Variants in ERC2 observed in about 807,000 individuals in gnomAD.
The protein encoded by ERC2 is ELKS/RAB6-interacting/CAST family member 2, also known as ERC protein 2.
ERC2 carries 42 observed loss-of-function variants against 114.8 expected under a neutral mutation model. That is an observed-to-expected ratio of 0.37 (90% CI 0.29 to 0.47). The LOEUF (loss-of-function observed/expected upper bound fraction) is 0.47. Among genes scored for constraint, ERC2 ranks in the 20% least tolerant of loss-of-function variants. The pLI, the probability that ERC2 is intolerant of heterozygous loss-of-function variation, is 0.99. For missense variants in ERC2, 939 were observed against 1,150.7 expected (o/e 0.82, Z 2.66); for synonymous variants, 454 against 425.5 (o/e 1.07, Z -0.82).
At chr3:55,846,839 G>T (rs991038624) in intron 14 of ERC2, among the ~76,000 whole-genome samples, 48 of 152,176 alleles carry the variant, frequency 3.2e-4, no homozygotes, top group African/African-American at 1.1e-3. Flanking sequence ...ATATTTGCCT[G>T]CCCTGCCACT....
At chr3:56,097,392 T>G (rs550531490) in intron 6 of ERC2, among the ~76,000 whole-genome samples, 2 of 152,304 alleles carry the variant, frequency 1.3e-5, no homozygotes, top group East Asian at 3.9e-4. Flanking sequence ...CCTTTGCTAG[T>G]ATACATCATG....
intron 3 of ERC2, among the ~76,000 whole-genome samples, chr3:56,260,861 A>C (rs1025701914): frequency 1.3e-5 from 2 of 152,210 alleles, no homozygotes; most frequent in Non-Finnish European, 2.9e-5. Flanking sequence ...CATGACCCAC[A>C]ACCCTTTAGT....
chr3:56,088,944 A>G (rs2077644605), intron 6 of ERC2, among the ~76,000 whole-genome samples: 1 of 152,206 alleles, frequency 6.6e-6, no homozygotes, highest in South Asian at 2.1e-4. Context: ...CAGGAATGCA[A>G]TAAAGGTTGC....
intron 17 of ERC2, among the ~76,000 whole-genome samples, chr3:55,541,534 C>G (rs906370843): frequency 1.3e-5 from 2 of 152,186 alleles, no homozygotes; most frequent in South Asian, 4.1e-4. Context: ...TGGTCATTCC[C>G]ATTCTTGGCT....
chr3:56,170,956 G>A (rs979738750), intron 4 of ERC2, among the ~76,000 whole-genome samples: 1 of 151,724 alleles, frequency 6.6e-6, no homozygotes, highest in South Asian at 2.1e-4. Context: ...TAGTAGAGAC[G>A]GGGTTTCACC....
At chr3:55,992,890 A>T (rs2071189474) in intron 10 of ERC2, among the ~76,000 whole-genome samples, 1 of 152,192 alleles carries the variant, frequency 6.6e-6, no homozygotes, top group Non-Finnish European at 1.5e-5. Flanking sequence ...CAGGAGGAGG[A>T]TGAGCTAATT....
At chr3:55,960,460 C>T (rs1194372679) in intron 12 of ERC2, among the ~76,000 whole-genome samples, 2 of 152,328 alleles carry the variant, frequency 1.3e-5, no homozygotes, top group East Asian at 1.9e-4. Context: ...TGAAGTAATG[C>T]CTCCTCAGAA....
intron 2 of ERC2, among the ~76,000 whole-genome samples, chr3:56,355,368 G>A (rs1178545766): frequency 6.7e-6 from 1 of 149,778 alleles, no homozygotes; most frequent in African/African-American, 2.5e-5. Flanking sequence ...ACCCAGGCTG[G>A]AGTGCAGTGA....
intron 14 of ERC2, among the ~76,000 whole-genome samples, chr3:55,778,059 T>G (rs1559639497): frequency 6.6e-6 from 1 of 152,160 alleles, no homozygotes; most frequent in South Asian, 2.1e-4. Flanking sequence ...ATGAAGTAAA[T>G]CCAAATGCTC....
intron 15 of ERC2, among the ~76,000 whole-genome samples, chr3:55,732,261 A>G (rs1430092857): frequency 6.6e-6 from 1 of 152,186 alleles, no homozygotes; most frequent in East Asian, 1.9e-4. Flanking sequence ...TAGCACATTA[A>G]TCATTGTTCT....
rs2072563154 is a variant in ERC2, at chr3:56,007,208, A to G, written c.2034T>C (p.Cys678=). ...TTTTTAACTGTGCTTCCAATTTGCTACATTCCTCTTTCTTTTGTTCAATGG... is the reference window on the plus strand; with the variant it reads ...TTTTTAACTGTGCTTCCAATTTGCTGCATTCCTCTTTCTTTTGTTCAATGG... ...EIAIEQKKEE[C]SKLEAQLKKA... is the part of the protein sequence containing the mutation. Residue 678 remains cysteine (C), a synonymous_variant, in exon 10 of 18, where the codon TGT becomes TGC. Coordinates refer to ENST00000288221, the MANE Select transcript of ERC2 (RefSeq NM_015576.3). 6.4e-7 allele frequency: 1 copy of G among 1,574,446 alleles called. No homozygotes were observed. Among genetic ancestry groups the G allele is most frequent in the Admixed American group, 1.9e-5 (1 of 53,430 alleles).
chr3:56,452,070 A>G (rs2062849127), intron 1 of ERC2, among the ~76,000 whole-genome samples: 1 of 152,212 alleles, frequency 6.6e-6, no homozygotes, highest in Non-Finnish European at 1.5e-5. Flanking sequence ...GAATCTGCAA[A>G]TCTCATGAGA....
intron 15 of ERC2, among the ~76,000 whole-genome samples, chr3:55,710,397 G>T (rs1488535210): frequency 6.6e-6 from 1 of 152,154 alleles, no homozygotes; most frequent in Non-Finnish European, 1.5e-5. Flanking sequence ...GTGAATCTGT[G>T]TGTGAATCTG....
At chr3:55,864,227 ATATG>A (rs2062190103) in intron 14 of ERC2, among the ~76,000 whole-genome samples, 2 of 144,598 alleles carry the variant, frequency 1.4e-5, no homozygotes, top group Non-Finnish European at 3.0e-5. Context: ...ATACACATAT[ATATG>A]TGTGTGTGTG....
intron 17 of ERC2, among the ~76,000 whole-genome samples, chr3:55,552,715 G>T (rs1267561881): frequency 6.6e-6 from 1 of 151,478 alleles, no homozygotes; most frequent in Non-Finnish European, 1.5e-5. Flanking sequence ...TTTCACATTA[G>T]CATTCATATA....
rs148863153 is a variant in ERC2, at chr3:56,416,808, T to C, written c.657+17543A>G. Among the ~76,000 whole-genome samples, 558 of 152,228 alleles carry C rather than the reference T, an allele frequency of 3.7e-3. 3 individuals are homozygous for C. Among genetic ancestry groups the C allele is most frequent in the South Asian group, 7.0e-3 (34 of 4,826 alleles). ...GGCAGGAAGTTTTTTTCTATTACTC[T>C]AACCTCTGCACCTAGCTCAGCACAT... On this transcript the variant is annotated intron_variant, in intron 2 of 17. Transcript: ENST00000288221.
At chr3:56,272,615 T>C (rs2150298874) in intron 3 of ERC2, among the ~76,000 whole-genome samples, 1 of 152,212 alleles carries the variant, frequency 6.6e-6, no homozygotes, top group East Asian at 1.9e-4. Context: ...CCTAAAAATA[T>C]AAAAATTAGC....
chr3:55,556,771 G>T (rs116620963), intron 17 of ERC2, among the ~76,000 whole-genome samples: 1 of 152,144 alleles, frequency 6.6e-6, no homozygotes, highest in South Asian at 2.1e-4. Context: ...GCATGAAGGC[G>T]GGTCTCAATC....
chr3:55,619,133 T>C (rs1171272056), intron 17 of ERC2, among the ~76,000 whole-genome samples: 2 of 152,202 alleles, frequency 1.3e-5, no homozygotes, highest in African/African-American at 4.8e-5. Context: ...TACCACTTAA[T>C]AAAACAGGAA....
Sources: gnomAD v4.1 joint callset for allele counts (sites outside exome capture counted in the v4.1 genomes callset) on GRCh38, gnomAD v4.1.1 for gene constraint, MANE v1.5 for transcripts, NCBI Gene and HGNC (gene_info 2026-07-23, HGNC 2026-07-21) for gene names.